FSHR: variants seen among roughly 807,000 people sequenced by gnomAD.
FSHR encodes follicle stimulating hormone receptor.
A neutral mutation model predicts 52.1 loss-of-function variants in FSHR; 46 were observed. That is an observed-to-expected ratio of 0.88 (90% confidence interval 0.70 to 1.13). FSHR has a LOEUF of 1.13. Among genes scored for constraint, FSHR ranks in the 50% most tolerant of loss-of-function variants. FSHR has a pLI of 0.00. For synonymous variants in FSHR, 399 were observed against 309.6 expected, an observed-to-expected ratio of 1.29 and a Z score of -3.03; for missense variants, 964 against 834.6, an observed-to-expected ratio of 1.16 and a Z score of -1.91.
chr2:49,055,310 C>G (rs1156273599), intron 2 of FSHR, among the ~76,000 whole-genome samples: 1 of 151,100 alleles, frequency 6.6e-6, no homozygotes, highest in African/African-American at 2.4e-5. Flanking sequence ...AACTTGAAGA[C>G]AGGTCTTTTG....
At chr2:49,108,920 C>G (rs1671329523) in intron 1 of FSHR, among the ~76,000 whole-genome samples, 1 of 152,112 alleles carries the variant, frequency 6.6e-6, no homozygotes, top group Non-Finnish European at 1.5e-5. Flanking sequence ...ATGAAGGGAA[C>G]AAAGGGACAG....
chr2:49,083,597 C>A (rs573477680), intron 1 of FSHR, among the ~76,000 whole-genome samples: 1 of 148,564 alleles, frequency 6.7e-6, no homozygotes, highest in African/African-American at 2.5e-5. Context: ...ATTCAGGAAA[C>A]CCATCTCACG....
At chr2:49,091,133 A>AT (rs77991770) in intron 1 of FSHR, among the ~76,000 whole-genome samples, 50 of 148,088 alleles carry the variant, frequency 3.4e-4, no homozygotes, top group Middle Eastern at 3.4e-3. Flanking sequence ...CCAACTTACC[A>AT]TTTTTTTTTT....
intron 1 of FSHR, among the ~76,000 whole-genome samples, chr2:49,083,346 C>A (rs1287417452): frequency 6.6e-6 from 1 of 150,564 alleles, no homozygotes; most frequent in Non-Finnish European, 1.5e-5. Flanking sequence ...CTGAAGGAAG[C>A]GCTAAACATG....
intron 4 of FSHR, among the ~76,000 whole-genome samples, chr2:49,008,554 G>A (rs1221463488): frequency 6.6e-6 from 1 of 151,386 alleles, no homozygotes; most frequent in Non-Finnish European, 1.5e-5. Context: ...TAATGGGATG[G>A]CTGGGTCAAA....
At chr2:49,013,513 T>TAAATAAATATATAA (rs36099655) in intron 4 of FSHR, among the ~76,000 whole-genome samples, 1 of 136,588 alleles carries the variant, frequency 7.3e-6, no homozygotes, top group African/African-American at 2.8e-5. Flanking sequence ...TATATATATA[T>TAAATAAATATATAA]ATAAATATAT....
chr2:49,100,169 A>C (rs1412501466), intron 1 of FSHR, among the ~76,000 whole-genome samples: 2 of 152,162 alleles, frequency 1.3e-5, no homozygotes, highest in African/African-American at 4.8e-5. Context: ...AGCACAGAGC[A>C]CTGAAATGAC....
At chr2:49,150,602 A>T (rs1196923150) in intron 1 of FSHR, among the ~76,000 whole-genome samples, 1 of 152,068 alleles carries the variant, frequency 6.6e-6, no homozygotes, top group East Asian at 1.9e-4. Context: ...TCCAGATAAC[A>T]GAGCTAAAAT....
At chr2:48,999,067 T>A (rs1559118963) in intron 4 of FSHR, among the ~76,000 whole-genome samples, 1 of 152,046 alleles carries the variant, frequency 6.6e-6, no homozygotes, top group Non-Finnish European at 1.5e-5. Context: ...GATCATACCA[T>A]CCAGTGCATA....
chr2:49,059,102 G>A (rs1401777216), intron 2 of FSHR, among the ~76,000 whole-genome samples: 1 of 152,066 alleles, frequency 6.6e-6, no homozygotes, highest in Non-Finnish European at 1.5e-5. Context: ...CTACTTGGGA[G>A]GCTAAGGTAG....
chr2:48,987,075 C>T (rs1187385736), intron 6 of FSHR, among the ~76,000 whole-genome samples: 2 of 152,148 alleles, frequency 1.3e-5, no homozygotes, highest in African/African-American at 4.8e-5. Context: ...TATCACCAAT[C>T]TCCCTCTGTG....
At chr2:49,043,461 C>T (rs1201214837) in intron 2 of FSHR, among the ~76,000 whole-genome samples, 1 of 152,194 alleles carries the variant, frequency 6.6e-6, no homozygotes, top group African/African-American at 2.4e-5. Context: ...TCTCACATTT[C>T]TCTGGTTCCC....
intron 2 of FSHR, among the ~76,000 whole-genome samples, chr2:49,024,926 A>T (rs1017880433): frequency 1.3e-5 from 2 of 152,158 alleles, no homozygotes; most frequent in Non-Finnish European, 2.9e-5. Context: ...TGCATATTGC[A>T]TTGGGTTTGC....
chr2:49,073,892 A>C (rs897342043), intron 1 of FSHR, among the ~76,000 whole-genome samples: 2 of 152,084 alleles, frequency 1.3e-5, no homozygotes, highest in Non-Finnish European at 2.9e-5. Context: ...CCATGTATTG[A>C]CATTCAACTA....
intron 1 of FSHR, among the ~76,000 whole-genome samples, chr2:49,134,938 A>T (rs1672431942): frequency 6.6e-6 from 1 of 152,164 alleles, no homozygotes; most frequent in Non-Finnish European, 1.5e-5. Flanking sequence ...TGGGGGAGGG[A>T]TAGCATTGGG....
chr2:49,008,161 A>G (rs560518716), intron 4 of FSHR, among the ~76,000 whole-genome samples: 1,695 of 68,704 alleles, frequency 0.025, 20 homozygotes, highest in Middle Eastern at 0.046. Flanking sequence ...ATATCTCCCA[A>G]TGCTATCCCT....
At chr2:49,042,932 G>T (rs1176229147) in intron 2 of FSHR, among the ~76,000 whole-genome samples, 2 of 152,096 alleles carry the variant, frequency 1.3e-5, no homozygotes, top group Non-Finnish European at 1.5e-5. Context: ...ATTTTTTTAT[G>T]CCTAACATTG....
intron 2 of FSHR, among the ~76,000 whole-genome samples, chr2:49,055,169 G>T (rs1558414079): frequency 6.6e-6 from 1 of 151,778 alleles, no homozygotes; most frequent in Non-Finnish European, 1.5e-5. Context: ...AGTGAGAAAA[G>T]TGGCAAAGAG....
At chr2:49,106,319 A>T (rs1671219264) in intron 1 of FSHR, among the ~76,000 whole-genome samples, 1 of 152,106 alleles carries the variant, frequency 6.6e-6, no homozygotes, top group African/African-American at 2.4e-5. Context: ...GCCAAGTTTG[A>T]TGGAGGAAGG....
Sources: gnomAD v4.1 joint callset for allele counts (sites outside exome capture counted in the v4.1 genomes callset) on GRCh38, gnomAD v4.1.1 for gene constraint, MANE v1.5 for transcripts, NCBI Gene and HGNC (gene_info 2026-07-23, HGNC 2026-07-21) for gene names.